Variants in FBXL7 observed in about 807,000 individuals in gnomAD.
FBXL7 encodes the protein F-box/LRR-repeat protein 7.
A neutral mutation model predicts 38.3 loss-of-function variants in FBXL7; 12 were observed. That is an observed-to-expected ratio of 0.31 (90% CI 0.20 to 0.51). The LOEUF (loss-of-function observed/expected upper bound fraction) is 0.51, where lower values mean the gene tolerates loss of function less well. Ranked by LOEUF, FBXL7 falls within the 20% of genes least tolerant of loss-of-function variation. FBXL7 has a pLI of 0.98. For missense variants in FBXL7, 567 were observed against 676.4 expected (o/e 0.84, Z 1.79); for synonymous variants, 297 against 300.9 (o/e 0.99, Z 0.13).
At chr5:15,729,963 C>T in intron 2 of FBXL7, among the ~76,000 whole-genome samples, 1 of 152,142 alleles carries the variant, frequency 6.6e-6, no homozygotes, top group East Asian at 1.9e-4. Context: ...TGTATGCAGT[C>T]CTACTGTATG....
rs909387228 is a variant in FBXL7, at chr5:15,939,171, G to T, written c.*1985G>T. ...CAATCAACATCATCAAATTACATGTGTAATCAAGGCTCTGTGCCATGGGGG... is the reference window on the plus strand; with the variant it reads ...CAATCAACATCATCAAATTACATGTTTAATCAAGGCTCTGTGCCATGGGGG... On this transcript the variant is annotated 3_prime_UTR_variant, in exon 4 of 4. Coordinates refer to ENST00000504595, the MANE Select transcript of FBXL7 (RefSeq NM_012304.5). 2.5e-6 allele frequency: 1 copy of T among 397,878 alleles called. No homozygotes were observed. The highest frequency in any genetic ancestry group is 4.4e-6 in the Non-Finnish European group (1 of 225,596). 24.6% of individuals were successfully genotyped at this position (397,878 alleles called of 1,614,324 possible).
At chr5:15,652,940 A>C (rs1164649058) in intron 2 of FBXL7, among the ~76,000 whole-genome samples, 1 of 152,240 alleles carries the variant, frequency 6.6e-6, no homozygotes, top group Non-Finnish European at 1.5e-5. Flanking sequence ...ATTTATCCTG[A>C]TGTGATTATT....
intron 1 of FBXL7, among the ~76,000 whole-genome samples, chr5:15,585,456 C>T (rs1247552264): frequency 1.3e-5 from 2 of 152,164 alleles, no homozygotes. Flanking sequence ...TTTTGCAGAG[C>T]AAAGAGAATG....
chr5:15,643,702 G>A (rs538891597), intron 2 of FBXL7, among the ~76,000 whole-genome samples: 3 of 152,338 alleles, frequency 2.0e-5, no homozygotes, highest in African/African-American at 7.2e-5. Context: ...CAAGGTTGAT[G>A]GAGATGATTA....
chr5:15,712,747 T>A (rs1743917105), intron 2 of FBXL7, among the ~76,000 whole-genome samples: 1 of 151,222 alleles, frequency 6.6e-6, no homozygotes, highest in Non-Finnish European at 1.5e-5. Flanking sequence ...AGAGAGGAAG[T>A]CTAATATTGA....
At chr5:15,576,072 C>CTTT (rs35832237) in intron 1 of FBXL7, among the ~76,000 whole-genome samples, 11 of 74,260 alleles carry the variant, frequency 1.5e-4, no homozygotes, top group African/African-American at 2.3e-4. Flanking sequence ...GAATCTCATT[C>CTTT]TTTTTTTTTT....
At chr5:15,536,650 T>C (rs1737594852) in intron 1 of FBXL7, among the ~76,000 whole-genome samples, 1 of 152,210 alleles carries the variant, frequency 6.6e-6, no homozygotes, top group Non-Finnish European at 1.5e-5. Flanking sequence ...TTTCATTGTA[T>C]CTTGGAAATA....
chr5:15,920,800 T>G (rs2126445121), intron 2 of FBXL7, among the ~76,000 whole-genome samples: 1 of 152,260 alleles, frequency 6.6e-6, no homozygotes, highest in Admixed American at 6.5e-5. Flanking sequence ...GAATTACAGG[T>G]GTGAGGCACC....
chr5:15,623,022 A>G (rs1580414739), intron 2 of FBXL7, among the ~76,000 whole-genome samples: 1 of 152,300 alleles, frequency 6.6e-6, no homozygotes, highest in East Asian at 1.9e-4. Flanking sequence ...GCTTATGATT[A>G]CACACCTAAT....
intron 2 of FBXL7, among the ~76,000 whole-genome samples, chr5:15,921,072 G>A (rs1426102157): frequency 6.6e-6 from 1 of 151,980 alleles, no homozygotes; most frequent in Non-Finnish European, 1.5e-5. Flanking sequence ...TATAATTGTT[G>A]CCTTTTTCAA....
intron 2 of FBXL7, among the ~76,000 whole-genome samples, chr5:15,879,831 A>G (rs1000513606): frequency 2.6e-5 from 4 of 152,214 alleles, no homozygotes; most frequent in African/African-American, 7.2e-5. Flanking sequence ...CTAAACATCT[A>G]TAGGATCCCC....
At chr5:15,666,514 C>T (rs926076905) in intron 2 of FBXL7, among the ~76,000 whole-genome samples, 1 of 152,184 alleles carries the variant, frequency 6.6e-6, no homozygotes, top group African/African-American at 2.4e-5. Context: ...TTCACACCAT[C>T]CCTTAAGAAT....
At chr5:15,791,641 A>G (rs1737279766) in intron 2 of FBXL7, among the ~76,000 whole-genome samples, 1 of 152,174 alleles carries the variant, frequency 6.6e-6, no homozygotes, top group Non-Finnish European at 1.5e-5. Context: ...TGACAGGACA[A>G]AAGGAGAGAT....
At chr5:15,592,175 C>A (rs1739498735) in intron 1 of FBXL7, among the ~76,000 whole-genome samples, 1 of 152,182 alleles carries the variant, frequency 6.6e-6, no homozygotes, top group African/African-American at 2.4e-5. Flanking sequence ...GAACTTAAGT[C>A]TCTTACCTGC....
chr5:15,663,751 A>G (rs901593559), intron 2 of FBXL7, among the ~76,000 whole-genome samples: 2 of 152,170 alleles, frequency 1.3e-5, no homozygotes, highest in African/African-American at 4.8e-5. Context: ...TTTTGCATCA[A>G]TGTTTATCAG....
intron 1 of FBXL7, among the ~76,000 whole-genome samples, chr5:15,605,040 C>A (rs1200052939): frequency 6.6e-6 from 1 of 152,152 alleles, no homozygotes; most frequent in Non-Finnish European, 1.5e-5. Flanking sequence ...GGCCGTACAG[C>A]CCTGCTCAGA....
At chr5:15,877,753 C>T (rs368013175) in intron 2 of FBXL7, among the ~76,000 whole-genome samples, 6 of 152,272 alleles carry the variant, frequency 3.9e-5, no homozygotes, top group African/African-American at 1.4e-4. Flanking sequence ...TAAAATAACT[C>T]ATAATGCTTT....
At chr5:15,725,005 C>T (rs1744302216) in intron 2 of FBXL7, among the ~76,000 whole-genome samples, 1 of 152,166 alleles carries the variant, frequency 6.6e-6, no homozygotes, top group Admixed American at 6.5e-5. Context: ...AGGCAGCCCT[C>T]AGACTGTATT....
intron 1 of FBXL7, among the ~76,000 whole-genome samples, chr5:15,522,864 G>C (rs1020931125): frequency 2.4e-4 from 37 of 152,096 alleles, no homozygotes; most frequent in Non-Finnish European, 4.4e-5. Flanking sequence ...AAAACTCTAA[G>C]GTATGAAATA....
Sources: gnomAD v4.1 joint callset for allele counts (sites outside exome capture counted in the v4.1 genomes callset) on GRCh38, gnomAD v4.1.1 for gene constraint, MANE v1.5 for transcripts, NCBI Gene and HGNC (gene_info 2026-07-23, HGNC 2026-07-21) for gene names.